CATSPERB: variants seen among roughly 807,000 people sequenced by gnomAD.
The protein encoded by CATSPERB is catsper channel auxiliary subunit beta, also known as cation channel sperm-associated auxiliary subunit beta.
In CATSPERB, 93 loss-of-function variants were observed where a neutral mutation model predicts 128.3. That is an observed-to-expected ratio of 0.72 (90% CI 0.61 to 0.86). The LOEUF is 0.86. Among genes scored for constraint, CATSPERB ranks in the 40% least tolerant of loss-of-function variants. The probability of loss-of-function intolerance (pLI) is 0.00; values close to 1 mark genes in which losing one functional copy is unlikely to be tolerated. For synonymous variants in CATSPERB, 381 were observed against 448.8 expected (o/e 0.85, Z 1.91); for missense variants, 1,153 against 1,329.5 (o/e 0.87, Z 2.06).
chr14:91,624,677 A>G (rs770695797), intron 18 of CATSPERB, 143 bp downstream of exon 18: 18 of 574,300 alleles, frequency 3.1e-5, no homozygotes, highest in Non-Finnish European at 4.8e-5. Context: ...CAGGAACCCA[A>G]ATATATGTAA....
chr14:91,723,847 G>GATT (rs1896074468), intron 3 of CATSPERB, among the ~76,000 whole-genome samples: 1 of 151,774 alleles, frequency 6.6e-6, no homozygotes, highest in Admixed American at 6.6e-5. Flanking sequence ...AATGGAGATT[G>GATT]GCAAGTAGAC....
At chr14:91,693,740 A>G (rs1452724839) in intron 7 of CATSPERB, among the ~76,000 whole-genome samples, 2 of 152,214 alleles carry the variant, frequency 1.3e-5, no homozygotes, top group Non-Finnish European at 2.9e-5. Flanking sequence ...CTCTTAAAAT[A>G]TCTTCCAAAT....
At chr14:91,725,296 T>C (rs1039798633) in intron 2 of CATSPERB, 128 bp from the exon 3 acceptor site, 3 of 446,636 alleles carry the variant, frequency 6.7e-6, no homozygotes, top group African/African-American at 6.1e-5. Flanking sequence ...TTAAATTCAC[T>C]TTAGGTAAAA....
chr14:91,639,024 A>T, intron 16 of CATSPERB, 72 bp downstream of exon 16: 1 of 1,323,484 alleles, frequency 7.6e-7, no homozygotes. Context: ...CCATTTTCCC[A>T]TTATTCTATG....
chr14:91,604,006 CTCTG>C (rs1415146194), intron 22 of CATSPERB, among the ~76,000 whole-genome samples: 1 of 146,290 alleles, frequency 6.8e-6, no homozygotes, highest in Non-Finnish European at 1.5e-5. Flanking sequence ...CTCCCTCCCT[CTCTG>C]TCTGTCTCTC....
rs983550592 is a variant in CATSPERB at position 91,693,384 on chromosome 14, C to A, written c.712G>T (p.Glu238Ter). The A allele has an allele frequency of 6.2e-7, 1 of 1,611,370 alleles. No homozygotes were observed. Among genetic ancestry groups the A allele is most frequent in the African/African-American group, 1.3e-5 (1 of 74,848 alleles). The change falls in exon 8 of 27, where the codon GAA becomes TAA. Residue 238 changes from glutamate to a stop codon, truncating the protein, a stop_gained and splice_region_variant. Transcript: ENST00000256343. LOFTEE classifies it high-confidence loss of function. ...TQTIYSQLQE[E>*]YEDLSLVDMV... is the part of the protein sequence containing the mutation. ...ATGAAGGCAATGTTAGAGGAGTTAC[C>A]TTCTTGAAGTTGGGAATAGATAGTC... is the stretch of plus-strand genomic sequence containing the variant.
intron 15 of CATSPERB, among the ~76,000 whole-genome samples, chr14:91,650,090 C>A (rs1489102371): frequency 6.6e-6 from 1 of 152,160 alleles, no homozygotes. Flanking sequence ...ATGTGTCTTA[C>A]AATCATTGTC....
intron 22 of CATSPERB, among the ~76,000 whole-genome samples, chr14:91,607,499 G>A (rs1021024292): frequency 3.3e-5 from 5 of 152,170 alleles, no homozygotes; most frequent in Admixed American, 1.3e-4. Context: ...CCAGCATATT[G>A]GAGAAACAGC....
intron 20 of CATSPERB, among the ~76,000 whole-genome samples, chr14:91,611,875 T>A (rs1324769926): frequency 1.3e-5 from 2 of 152,202 alleles, no homozygotes; most frequent in East Asian, 3.8e-4. Context: ...AAATTTATTT[T>A]AAAATATTTT....
At chr14:91,668,809 G>T (rs566004636) in intron 14 of CATSPERB, among the ~76,000 whole-genome samples, 1 of 152,086 alleles carries the variant, frequency 6.6e-6, no homozygotes, top group African/African-American at 2.4e-5. Context: ...GCGAGACCAC[G>T]CACCCACCAG....
At chr14:91,704,772 G>T in intron 6 of CATSPERB, 71 bp from the exon 7 acceptor site, 5 of 1,459,428 alleles carry the variant, frequency 3.4e-6, no homozygotes, top group Non-Finnish European at 4.7e-6. Flanking sequence ...TTCCTTTAAA[G>T]GTTTTAAAAG....
intron 22 of CATSPERB, among the ~76,000 whole-genome samples, chr14:91,594,819 T>C (rs539045881): frequency 2.0e-5 from 3 of 152,328 alleles, no homozygotes; most frequent in African/African-American, 4.8e-5. Context: ...CATATATTAG[T>C]AGGCAGGTAT....
At chr14:91,641,569 T>A (rs1275758910) in intron 15 of CATSPERB, among the ~76,000 whole-genome samples, 10 of 150,054 alleles carry the variant, frequency 6.7e-5, no homozygotes, top group African/African-American at 2.2e-4. Flanking sequence ...TTGATCTATA[T>A]CTCTGTTTTG....
intron 7 of CATSPERB, 71 bp downstream of exon 7, chr14:91,704,481 C>A: frequency 1.4e-6 from 2 of 1,461,446 alleles, no homozygotes; most frequent in Non-Finnish European, 1.8e-6. Context: ...TTTATTTCTG[C>A]TGCCAGTTAA....
intron 22 of CATSPERB, chr14:91,605,177 A>G (rs1217202423): frequency 8.5e-6 from 13 of 1,523,464 alleles, no homozygotes; most frequent in South Asian, 2.2e-5. Flanking sequence ...GACAGTCTCC[A>G]TGTGAGGCAT....
intron 5 of CATSPERB, among the ~76,000 whole-genome samples, chr14:91,717,699 T>C (rs911305130): frequency 2.0e-5 from 3 of 152,214 alleles, no homozygotes; most frequent in African/African-American, 7.2e-5. Flanking sequence ...CTAACCTACT[T>C]TTCCCAAGAT....
chr14:91,603,076 T>A, intron 22 of CATSPERB: 2 of 786,240 alleles, frequency 2.5e-6, no homozygotes, highest in South Asian at 2.7e-5. Context: ...TTGGGCCTGC[T>A]TTTTTACATT....
chr14:91,672,949 T>C lies in CATSPERB; in HGVS notation c.1046A>G (p.Lys349Arg), dbSNP rs1412961068. ...CACAGTTGGAAAAATTTTTATTCCT[T>C]TAAAAATGTGAGGTAAGCAGGGTAC... ...EWVPCLPHIF[K>R]GIKIFPTVLT... The change falls in exon 13 of 27, where the codon AAA becomes AGA. Residue 349 changes from lysine (K) to arginine (R), a missense_variant. Coordinates refer to ENST00000256343, the MANE Select transcript of CATSPERB (RefSeq NM_024764.4). 12 of 1,603,976 alleles carry C rather than the reference T, an allele frequency of 7.5e-6. No individual in the cohort carries two copies. Among genetic ancestry groups the C allele is most frequent in the Non-Finnish European group, 9.3e-6 (11 of 1,177,676 alleles).
chr14:91,623,642 A>G (rs1704618), intron 18 of CATSPERB, among the ~76,000 whole-genome samples: 112,846 of 152,114 alleles, frequency 0.74, 42,432 homozygotes, highest in East Asian at 0.97. Flanking sequence ...TGATTATTGT[A>G]ATGGCCTCCT....
Sources: allele counts gnomAD v4.1 joint callset (sites outside exome capture counted in the v4.1 genomes callset), GRCh38; gene constraint gnomAD v4.1.1; transcripts MANE v1.5; gene names NCBI Gene and HGNC (gene_info 2026-07-23, HGNC 2026-07-21).